The following FAF1 variants were observed in gnomAD, a reference collection of about 807,000 sequenced individuals.
FAF1 encodes the protein FAS-associated factor 1.
FAF1 carries 25 observed loss-of-function variants against 92.5 expected under a neutral mutation model. That is an observed-to-expected ratio of 0.27 (90% CI 0.20 to 0.38). The LOEUF is 0.38. Among genes scored for constraint, FAF1 ranks in the 10% least tolerant of loss-of-function variants. FAF1 has a pLI of 1.00. For synonymous variants in FAF1, 234 were observed against 273.2 expected (o/e 0.86, Z 1.42); for missense variants, 636 against 793.3 (o/e 0.80, Z 2.38).
At position 50,594,115 on chromosome 1, in the gene FAF1, C is replaced by A. The variant is rs562485955; in HGVS notation, c.840+2006G>T. On this transcript the variant is annotated intron_variant, in intron 9 of 18. Transcript: ENST00000396153. ...ATCATTTGAGGTCAGGAGTTCAAGA[C>A]CAGCCTGGCCAACATAGTGAAACCC... 6.6e-5 allele frequency among the ~76,000 whole-genome samples: 10 copies of A among 152,022 alleles called. No homozygotes were observed. The South Asian group carries it at 1.9e-3, about 28-fold the overall frequency.
chr1:50,799,699 C>T (rs1259780847), intron 3 of FAF1, among the ~76,000 whole-genome samples: 1 of 152,116 alleles, frequency 6.6e-6, no homozygotes, highest in South Asian at 2.1e-4. Flanking sequence ...TTTGATACCT[C>T]CTTTCTTTGT....
rs1553151636 is a variant in FAF1 at position 50,917,697 on chromosome 1, A to AGGAAAGGAAAGGAAG, written c.45+42069_45+42070insCTTCCTTTCCTTTCC. Among the ~76,000 whole-genome samples, 40 of 146,052 alleles carry AGGAAAGGAAAGGAAG rather than the reference A, an allele frequency of 2.7e-4. 1 individual carries two copies. Among genetic ancestry groups the AGGAAAGGAAAGGAAG allele is most frequent in the Admixed American group, 2.7e-4 (4 of 14,558 alleles). The stretch of plus-strand genomic sequence containing the variant: ...AGGAAAGGAAAGGAAAGGAAAGGAA[A>AGGAAAGGAAAGGAAG]GGAAAAGAAAGAAAACCAACATAGT... On this transcript the variant is annotated intron_variant, in intron 1 of 18. Coordinates refer to ENST00000396153, the MANE Select transcript of FAF1 (RefSeq NM_007051.3).
chr1:50,507,489 A>C (rs1036608277), intron 15 of FAF1, among the ~76,000 whole-genome samples: 1 of 152,174 alleles, frequency 6.6e-6, no homozygotes, highest in Non-Finnish European at 1.5e-5. Flanking sequence ...CTGTAATCCC[A>C]GTGTTTTTTG....
chr1:50,814,856 A>G (rs1240847304), intron 2 of FAF1, among the ~76,000 whole-genome samples: 1 of 152,204 alleles, frequency 6.6e-6, no homozygotes, highest in Non-Finnish European at 1.5e-5. Flanking sequence ...TCACACACAC[A>G]TACACACACA....
intron 17 of FAF1, among the ~76,000 whole-genome samples, chr1:50,484,808 T>C (rs1221568422): frequency 6.6e-6 from 1 of 152,136 alleles, no homozygotes; most frequent in Non-Finnish European, 1.5e-5. Flanking sequence ...ATACGTTAGG[T>C]AAAAATTTAA....
intron 1 of FAF1, among the ~76,000 whole-genome samples, chr1:50,947,603 T>C (rs1427517423): frequency 6.6e-6 from 1 of 152,250 alleles, no homozygotes; most frequent in Non-Finnish European, 1.5e-5. Flanking sequence ...GAAATTATAA[T>C]CAGGAAGAGT....
At chr1:50,949,129 T>G (rs188217163) in intron 1 of FAF1, among the ~76,000 whole-genome samples, 2 of 152,318 alleles carry the variant, frequency 1.3e-5, no homozygotes, top group East Asian at 3.9e-4. Flanking sequence ...AATTCTCAAG[T>G]GTAGTCCTTG....
At chr1:50,614,579 C>G (rs539523274) in intron 8 of FAF1, among the ~76,000 whole-genome samples, 2 of 152,246 alleles carry the variant, frequency 1.3e-5, no homozygotes, top group South Asian at 4.1e-4. Context: ...GTAGCTCACA[C>G]CTGTAATCCC....
At chr1:50,650,740 T>C (rs1303862318) in intron 8 of FAF1, among the ~76,000 whole-genome samples, 1 of 152,202 alleles carries the variant, frequency 6.6e-6, no homozygotes, top group African/African-American at 2.4e-5. Context: ...TGTAATAAGG[T>C]ATCTAAACAT....
At chr1:50,732,495 G>C (rs575139417) in intron 6 of FAF1, among the ~76,000 whole-genome samples, 1 of 152,034 alleles carries the variant, frequency 6.6e-6, no homozygotes, top group Admixed American at 6.6e-5. Flanking sequence ...TATCTTCTTG[G>C]CAAATTGTCT....
intron 7 of FAF1, among the ~76,000 whole-genome samples, chr1:50,675,520 T>C (rs963008553): frequency 6.6e-6 from 1 of 152,240 alleles, no homozygotes; most frequent in African/African-American, 2.4e-5. Flanking sequence ...ATAGAAAATG[T>C]AGGGTTCAGC....
At chr1:50,628,032 T>G (rs1653590403) in intron 8 of FAF1, among the ~76,000 whole-genome samples, 2 of 152,146 alleles carry the variant, frequency 1.3e-5, no homozygotes, top group Admixed American at 1.3e-4. Flanking sequence ...CTCTGAATTT[T>G]GGCTGTAAAG....
intron 8 of FAF1, among the ~76,000 whole-genome samples, chr1:50,632,492 A>G (rs535936034): frequency 6.6e-6 from 1 of 152,290 alleles, no homozygotes; most frequent in South Asian, 2.1e-4. Flanking sequence ...GAACACATCT[A>G]TTCTTTTTAA....
chr1:50,633,706 T>C (rs1012997187), intron 8 of FAF1, among the ~76,000 whole-genome samples: 1 of 152,166 alleles, frequency 6.6e-6, no homozygotes, highest in Non-Finnish European at 1.5e-5. Flanking sequence ...CTCTCAGAGA[T>C]TGACTGCATT....
chr1:50,645,406 T>C (rs957027602), intron 8 of FAF1, among the ~76,000 whole-genome samples: 4 of 152,168 alleles, frequency 2.6e-5, no homozygotes, highest in African/African-American at 7.2e-5. Flanking sequence ...ACACCAGGGG[T>C]TGGCAAACTT....
chr1:50,896,050 A>G (rs1190883714), intron 1 of FAF1, among the ~76,000 whole-genome samples: 3 of 152,236 alleles, frequency 2.0e-5, no homozygotes. Context: ...AGCTAGAGCA[A>G]TCAGACAAGG....
intron 8 of FAF1, among the ~76,000 whole-genome samples, chr1:50,651,890 C>T (rs1038043698): frequency 6.6e-6 from 1 of 152,178 alleles, no homozygotes; most frequent in Non-Finnish European, 1.5e-5. Flanking sequence ...AAAGGTTTTA[C>T]GACATATTAT....
intron 4 of FAF1, among the ~76,000 whole-genome samples, chr1:50,751,814 G>A (rs1659880803): frequency 6.6e-6 from 1 of 152,090 alleles, no homozygotes; most frequent in Non-Finnish European, 1.5e-5. Context: ...ATCTAATTTT[G>A]GTATTAGGGT....
chr1:50,690,487 G>A (rs1656870570), intron 7 of FAF1, among the ~76,000 whole-genome samples: 1 of 151,962 alleles, frequency 6.6e-6, no homozygotes, highest in African/African-American at 2.4e-5. Flanking sequence ...TGTAATCCCA[G>A]CTATTCGGGA....
Sources: gnomAD v4.1 joint callset for allele counts (sites outside exome capture counted in the v4.1 genomes callset) on GRCh38, gnomAD v4.1.1 for gene constraint, MANE v1.5 for transcripts, NCBI Gene and HGNC (gene_info 2026-07-23, HGNC 2026-07-21) for gene names.